Variants in SIMC1 observed in about 807,000 individuals in gnomAD.
The protein encoded by SIMC1 is SUMO-interacting motif-containing protein 1.
In SIMC1, 55 loss-of-function variants were observed where a neutral mutation model predicts 82.3. That is an observed-to-expected ratio of 0.67 (90% CI 0.54 to 0.84). The LOEUF (loss-of-function observed/expected upper bound fraction) is 0.84, where lower values mean the gene tolerates loss of function less well. Ranked by LOEUF, SIMC1 falls within the 40% of genes least tolerant of loss-of-function variation. The pLI is 0.00. For synonymous variants in SIMC1, 353 were observed against 426.3 expected (o/e 0.83, Z 2.12); for missense variants, 915 against 1,107.2 (o/e 0.83, Z 2.46).
intron 4 of SIMC1, among the ~76,000 whole-genome samples, chr5:176,307,819 T>C (rs981627999): frequency 6.6e-6 from 1 of 152,244 alleles, no homozygotes; most frequent in Non-Finnish European, 1.5e-5. Context: ...ACAGGCACTC[T>C]GGAAAATGGT....
At chr5:176,263,478 C>T in intron 1 of SIMC1, 4 of 1,545,402 alleles carry the variant, frequency 2.6e-6, no homozygotes, top group Non-Finnish European at 3.5e-6. Context: ...AGCTTCCAAC[C>T]ATGGCAGAGG....
intron 9 of SIMC1, among the ~76,000 whole-genome samples, chr5:176,339,051 T>C (rs1766020112): frequency 6.6e-6 from 1 of 152,206 alleles, no homozygotes; most frequent in African/African-American, 2.4e-5. Context: ...TTTCAGACTG[T>C]TGTAACTCAC....
intron 4 of SIMC1, among the ~76,000 whole-genome samples, chr5:176,310,221 C>T (rs1007977623): frequency 6.6e-6 from 1 of 152,094 alleles, no homozygotes; most frequent in Non-Finnish European, 1.5e-5. Context: ...ATGGTACAGC[C>T]CCTCTGGAAA....
At chr5:176,319,237 ATTGGG>A (rs1765054017) in intron 5 of SIMC1, among the ~76,000 whole-genome samples, 1 of 152,186 alleles carries the variant, frequency 6.6e-6, no homozygotes, top group African/African-American at 2.4e-5. Flanking sequence ...ATATTCATCC[ATTGGG>A]TTGGGCATTC....
intron 2 of SIMC1, among the ~76,000 whole-genome samples, chr5:176,293,985 C>G (rs1420385490): frequency 1.3e-5 from 2 of 151,936 alleles, no homozygotes; most frequent in East Asian, 3.9e-4. Context: ...GAAGAAGCAA[C>G]TTAATATTTA....
intron 3 of SIMC1, among the ~76,000 whole-genome samples, chr5:176,295,807 A>G (rs1444368756): frequency 6.6e-6 from 1 of 152,204 alleles, no homozygotes; most frequent in African/African-American, 2.4e-5. Flanking sequence ...TCCAGTGGGA[A>G]AGAGTGTCTG....
intron 1 of SIMC1, among the ~76,000 whole-genome samples, chr5:176,246,407 G>GGTGTGTGTGTGT (rs57262987): frequency 7.3e-5 from 10 of 136,972 alleles, no homozygotes; most frequent in African/African-American, 1.1e-4. Context: ...ATAGTTCAGG[G>GGTGTGTGTGTGT]GTGTGTGTGT....
chr5:176,270,707 T>C (rs1481176136), intron 1 of SIMC1, among the ~76,000 whole-genome samples: 2 of 152,180 alleles, frequency 1.3e-5, no homozygotes, highest in Non-Finnish European at 2.9e-5. Context: ...GCATTGGAAC[T>C]CACTGCAGCC....
intron 9 of SIMC1, among the ~76,000 whole-genome samples, chr5:176,344,275 G>T (rs544844111): frequency 4.2e-4 from 64 of 152,212 alleles, no homozygotes; most frequent in Non-Finnish European, 8.7e-4. Context: ...TTTCATAATA[G>T]ACATTTTTTA....
At chr5:176,294,600 G>A (rs1020039909) in intron 2 of SIMC1, among the ~76,000 whole-genome samples, 8 of 148,326 alleles carry the variant, frequency 5.4e-5, no homozygotes, top group Admixed American at 5.4e-4. Flanking sequence ...TTTTAATCAT[G>A]AAATATTTCA....
intron 1 of SIMC1, among the ~76,000 whole-genome samples, chr5:176,282,657 G>A (rs543384458): frequency 6.6e-6 from 1 of 152,344 alleles, no homozygotes; most frequent in South Asian, 2.1e-4. Context: ...GCCAGCAACA[G>A]AGCAAAGCTG....
chr5:176,344,398 C>T (rs1212319256), intron 9 of SIMC1, among the ~76,000 whole-genome samples: 2 of 150,880 alleles, frequency 1.3e-5, no homozygotes, highest in Admixed American at 6.6e-5. Context: ...AGGCCAGGCA[C>T]GGTGGCTCAC....
chr5:176,305,982 T>TG (rs1213132841), intron 4 of SIMC1, among the ~76,000 whole-genome samples: 1 of 44,326 alleles, frequency 2.3e-5, no homozygotes, highest in African/African-American at 9.0e-5. Flanking sequence ...GGGAGGGAGG[T>TG]GGGGGGGTCA....
At chr5:176,334,701 A>G (rs1252750304) in intron 7 of SIMC1, among the ~76,000 whole-genome samples, 1 of 152,094 alleles carries the variant, frequency 6.6e-6, no homozygotes, top group Non-Finnish European at 1.5e-5. Flanking sequence ...CCTCTCTTCT[A>G]TTTTAGACCC....
chr5:176,276,693 C>T (rs1379553414), intron 1 of SIMC1, among the ~76,000 whole-genome samples: 3 of 143,480 alleles, frequency 2.1e-5, no homozygotes, highest in East Asian at 2.0e-4. Context: ...TGAGAATATG[C>T]GGTGTTTGGT....
At chr5:176,283,599 G>C (rs1183500161) in intron 1 of SIMC1, among the ~76,000 whole-genome samples, 1 of 152,126 alleles carries the variant, frequency 6.6e-6, no homozygotes, top group Non-Finnish European at 1.5e-5. Context: ...ATTGAGACTA[G>C]GAAGAAACTG....
chr5:176,325,723 A>T (rs1189334824), intron 7 of SIMC1, among the ~76,000 whole-genome samples: 2 of 151,926 alleles, frequency 1.3e-5, no homozygotes, highest in East Asian at 3.8e-4. Context: ...AATTAATTAA[A>T]TAAATAATAA....
intron 1 of SIMC1, among the ~76,000 whole-genome samples, chr5:176,273,105 T>G (rs1323772672): frequency 6.6e-6 from 1 of 152,188 alleles, no homozygotes; most frequent in Non-Finnish European, 1.5e-5. Flanking sequence ...GCTTGGAGTT[T>G]GAGATCTGAG....
rs566030847 is a variant in SIMC1 at position 176,330,359 on chromosome 5, C to G, written c.2171+5602C>G. ...GAGGTTGCAGTGAGCTGAGATCGCA[C>G]CACTCCACTCCAGCCTGGGCAACAG... On this transcript the variant is annotated intron_variant, in intron 7 of 9. Transcript: ENST00000429602. 2.0e-5 allele frequency among the ~76,000 whole-genome samples: 3 copies of G among 150,896 alleles called. No individual in the cohort carries two copies. The East Asian group carries it at 5.8e-4, about 29-fold the overall frequency.
Sources: gnomAD v4.1 joint callset for allele counts (sites outside exome capture counted in the v4.1 genomes callset) on GRCh38, gnomAD v4.1.1 for gene constraint, MANE v1.5 for transcripts, NCBI Gene and HGNC (gene_info 2026-07-23, HGNC 2026-07-21) for gene names.